The following POLDIP3 variants were observed in gnomAD, a reference collection of about 807,000 sequenced individuals.
The protein encoded by POLDIP3 is DNA polymerase delta interacting protein 3.
In POLDIP3, 14 loss-of-function variants were observed where a neutral mutation model predicts 45.1. The observed-to-expected ratio is 0.31, with a 90% confidence interval of 0.20 to 0.49. The LOEUF is 0.49. POLDIP3 is among the 20% of genes least tolerant of loss of function. The probability of loss-of-function intolerance (pLI) is 0.99; values close to 1 mark genes in which losing one functional copy is unlikely to be tolerated. For missense variants in POLDIP3, 511 were observed against 538.8 expected (o/e 0.95, Z 0.51); for synonymous variants, 223 against 205.2 (o/e 1.09, Z -0.74).
chr22:42,587,464 G>A, intron 8 of POLDIP3, 42 bp downstream of exon 8: 1 of 1,559,508 alleles, frequency 6.4e-7, no homozygotes, highest in Non-Finnish European at 8.8e-7. Flanking sequence ...AAAAGAGATG[G>A]ACGGAGCTGC....
At chr22:42,611,172 T>C (rs779179713) in intron 1 of POLDIP3, among the ~76,000 whole-genome samples, 2 of 152,232 alleles carry the variant, frequency 1.3e-5, no homozygotes, top group Non-Finnish European at 2.9e-5. Flanking sequence ...TTTTTCTTTC[T>C]TTTTTAAAGA....
intron 7 of POLDIP3, among the ~76,000 whole-genome samples, chr22:42,590,842 T>G (rs962371123): frequency 2.6e-5 from 4 of 152,094 alleles, no homozygotes; most frequent in African/African-American, 9.7e-5. Flanking sequence ...GAGGCCGAGG[T>G]GGGCAGATCA....
At chr22:42,602,443 A>G (rs1303605798) in intron 2 of POLDIP3, among the ~76,000 whole-genome samples, 2 of 152,242 alleles carry the variant, frequency 1.3e-5, no homozygotes, top group African/African-American at 4.8e-5. Context: ...CTGTAAGGTC[A>G]CAGATATTAA....
intron 1 of POLDIP3, among the ~76,000 whole-genome samples, chr22:42,611,385 C>G (rs577001549): frequency 6.6e-6 from 1 of 152,184 alleles, no homozygotes; most frequent in African/African-American, 2.4e-5. Context: ...CTTTTGAGAA[C>G]AAGCACATTC....
chr22:42,585,680 C>T lies in POLDIP3; in HGVS notation c.*111G>A. 7.5e-7 allele frequency: 1 copy of T among 1,327,620 alleles called. No homozygotes were observed. The highest frequency in any genetic ancestry group is 1.0e-6 in the Non-Finnish European group (1 of 962,654). The allele number at this position is 1,327,620 out of a possible 1,614,324, so 82.2% of individuals were successfully genotyped here. A position where few individuals can be genotyped will look rare whatever the true frequency, so the allele number is the denominator to read the frequency against. ...AGGAAGCTCTTTATCCCTGGCAACC[C>T]TTCCCACAATCAGGGGTCTCCAGTC... On this transcript the variant is annotated 3_prime_UTR_variant, in exon 9 of 9. Coordinates refer to ENST00000252115, the MANE Select transcript of POLDIP3 (RefSeq NM_032311.5).
intron 7 of POLDIP3, among the ~76,000 whole-genome samples, chr22:42,589,854 A>AAC (rs1171589593): frequency 6.6e-6 from 1 of 151,136 alleles, no homozygotes; most frequent in Non-Finnish European, 1.5e-5. Context: ...AAAAAAAAAA[A>AAC]ACAGAACCTC....
At chr22:42,610,771 T>C (rs749873913) in intron 1 of POLDIP3, among the ~76,000 whole-genome samples, 3 of 152,202 alleles carry the variant, frequency 2.0e-5, no homozygotes, top group Non-Finnish European at 2.9e-5. Context: ...CCAGGCATGA[T>C]GGCATATGCC....
chr22:42,611,889 GAAATA>G (rs1927142044), intron 1 of POLDIP3, among the ~76,000 whole-genome samples: 2 of 152,016 alleles, frequency 1.3e-5, no homozygotes, highest in Admixed American at 6.6e-5. Context: ...AAAAAATAAA[GAAATA>G]AAATAAAAAT....
At chr22:42,588,630 C>CT (rs201367552) in intron 7 of POLDIP3, among the ~76,000 whole-genome samples, 1,910 of 136,932 alleles carry the variant, frequency 0.014, 25 homozygotes, top group Non-Finnish European at 0.021. Context: ...TTCTTTCTTT[C>CT]TTTTTTTTTT....
intron 8 of POLDIP3, among the ~76,000 whole-genome samples, chr22:42,586,379 A>T (rs137090): frequency 0.041 from 6,295 of 152,044 alleles, 135 homozygotes; most frequent in Middle Eastern, 0.054. Flanking sequence ...ACCCAGGCTG[A>T]AGTGCAGTGG....
chr22:42,605,878 A>T lies in POLDIP3; in HGVS notation c.60-2718T>A, dbSNP rs946663084. ...GCAGCTAGGCCAGGCACAGTGACTC[A>T]CACCTGTAATCCCAGCACTTTGGGA... On this transcript the variant is annotated intron_variant, in intron 1 of 8. Coordinates refer to ENST00000252115, the MANE Select transcript of POLDIP3 (RefSeq NM_032311.5). 8.5e-5 allele frequency among the ~76,000 whole-genome samples: 13 copies of T among 152,170 alleles called. 1 individual carries two copies. The South Asian group carries it at 2.1e-3, about 24-fold the overall frequency.
chr22:42,589,316 T>C (rs1925522593), intron 7 of POLDIP3, among the ~76,000 whole-genome samples: 1 of 151,748 alleles, frequency 6.6e-6, no homozygotes, highest in Non-Finnish European at 1.5e-5. Flanking sequence ...CTTTTACTTA[T>C]TAGCTTATTA....
intron 1 of POLDIP3, among the ~76,000 whole-genome samples, chr22:42,614,558 C>T (rs1405683269): frequency 1.3e-5 from 2 of 152,168 alleles, no homozygotes; most frequent in Non-Finnish European, 2.9e-5. Context: ...CACGAGGCGG[C>T]ACCCTGTCCC....
chr22:42,592,011 A>C lies in POLDIP3; in HGVS notation c.965T>G (p.Val322Gly). ...TGCGGTGATGGCATCGTCCTTTTTC[A>C]CAAACACCACCTCCGCTACCCCAGG... ...VHPGVAEVVF[V>G]KKDDAITAYK... The change falls in exon 7 of 9, where the codon GTG becomes GGG. Residue 322 changes from valine to glycine, a missense_variant. By Grantham distance (109) the Val-to-Gly change is moderately radical. Around this residue, in one of 4 missense-constraint regions of POLDIP3, gnomAD observed 66 missense variants for 118.1 expected, o/e 0.56. Transcript: ENST00000252115. 6.2e-7 allele frequency: 1 copy of C among 1,614,132 alleles called. No individual in the cohort carries two copies. Among genetic ancestry groups the C allele is most frequent in the African/African-American group, 1.3e-5 (1 of 75,018 alleles).
chr22:42,593,070 T>C (rs972760811), intron 6 of POLDIP3, among the ~76,000 whole-genome samples: 6 of 152,238 alleles, frequency 3.9e-5, no homozygotes, highest in African/African-American at 1.4e-4. Flanking sequence ...TAAAATGCTG[T>C]AGTATTTACA....
chr22:42,589,459 C>T (rs556794718), intron 7 of POLDIP3, among the ~76,000 whole-genome samples: 3 of 152,152 alleles, frequency 2.0e-5, no homozygotes, highest in East Asian at 3.9e-4. Context: ...CAAGTAACAA[C>T]AGAACCTCAA....
chr22:42,602,874 C>G lies in POLDIP3; in HGVS notation c.346G>C (p.Asp116His). The G allele has an allele frequency of 1.2e-6, 2 of 1,613,892 alleles. No homozygotes were observed. Among genetic ancestry groups the G allele is most frequent in the Non-Finnish European group, 1.7e-6 (2 of 1,180,022 alleles). ...TTCAAGCTGATCTTCTCCCGGGCAT[C>G]AGCAACCTGGCGGGGCTTCTGGGGC... Reference protein sequence around the residue: ...TVPQKPRQVADAREKISLKRS... With the variant: ...TVPQKPRQVAHAREKISLKRS... Residue 116 changes from aspartate (D) to histidine (H), a missense_variant, in exon 2 of 9, where the codon GAT becomes CAT. Asp to His is a moderately conservative substitution (Grantham distance 81). Transcript: ENST00000252115.
chr22:42,593,393 CT>C (rs1925789013), intron 6 of POLDIP3, among the ~76,000 whole-genome samples: 1 of 152,200 alleles, frequency 6.6e-6, no homozygotes, highest in South Asian at 2.1e-4. Context: ...GCAATTTCCC[CT>C]GAGCACTGAT....
chr22:42,611,605 C>A (rs1191387509), intron 1 of POLDIP3, among the ~76,000 whole-genome samples: 1 of 152,172 alleles, frequency 6.6e-6, no homozygotes, highest in African/African-American at 2.4e-5. Flanking sequence ...TGTAAAATAG[C>A]ATGTATGGCC....
Sources: allele counts gnomAD v4.1 joint callset (sites outside exome capture counted in the v4.1 genomes callset), GRCh38; gene constraint gnomAD v4.1.1; regional missense constraint gnomAD v4.1.1; transcripts MANE v1.5; gene names NCBI Gene and HGNC (gene_info 2026-07-23, HGNC 2026-07-21).